The following XPR1 variants were observed in gnomAD, a reference collection of about 807,000 sequenced individuals.
XPR1 encodes the protein xenotropic and polytropic retrovirus receptor 1.
In XPR1, 28 loss-of-function variants were observed where a neutral mutation model predicts 87.5. That is an observed-to-expected ratio of 0.32 (90% CI 0.24 to 0.44). The LOEUF (loss-of-function observed/expected upper bound fraction) is 0.44. XPR1 is among the 20% of genes least tolerant of loss of function. XPR1 has a pLI of 1.00. For missense variants in XPR1, 559 were observed against 862.3 expected, an observed-to-expected ratio of 0.65 and a Z score of 4.41; for synonymous variants, 300 against 306.1, an observed-to-expected ratio of 0.98 and a Z score of 0.21.
chr1:180,767,269 C>G (rs111318496), intron 2 of XPR1, among the ~76,000 whole-genome samples: 1 of 152,134 alleles, frequency 6.6e-6, no homozygotes, highest in African/African-American at 2.4e-5. Context: ...CCCACTCACT[C>G]CCTTCAAAAT....
chr1:180,854,429 T>C (rs745375548), intron 11 of XPR1, among the ~76,000 whole-genome samples: 2 of 152,236 alleles, frequency 1.3e-5, no homozygotes, highest in Non-Finnish European at 2.9e-5. Context: ...ATATGTCCCA[T>C]GTTCACTTCG....
chr1:180,748,528 C>T (rs1360059689), intron 2 of XPR1, among the ~76,000 whole-genome samples: 2 of 145,156 alleles, frequency 1.4e-5, no homozygotes, highest in South Asian at 2.3e-4. Context: ...AAGCAATTCT[C>T]CTGCCTCAGC....
At chr1:180,744,646 A>ATTTTTTTTTTT (rs1295757177) in intron 2 of XPR1, among the ~76,000 whole-genome samples, 22 of 48,196 alleles carry the variant, frequency 4.6e-4, no homozygotes, top group African/African-American at 1.7e-3. Context: ...TTTAGGCACA[A>ATTTTTTTTTTT]TTTCTTTCTT....
chr1:180,659,414 TC>T (rs1655681524), intron 1 of XPR1, among the ~76,000 whole-genome samples: 2 of 122,690 alleles, frequency 1.6e-5, no homozygotes, highest in African/African-American at 3.4e-5. Context: ...CTTCCTTCCT[TC>T]CTTCCTTCCT....
intron 2 of XPR1, among the ~76,000 whole-genome samples, chr1:180,699,219 T>TA (rs1216141714): frequency 1.3e-5 from 2 of 148,512 alleles, no homozygotes; most frequent in African/African-American, 2.4e-5. Context: ...CTTTTTTTTT[T>TA]TTTTTTTATT....
chr1:180,819,423 G>A (rs988226399), intron 7 of XPR1, among the ~76,000 whole-genome samples: 3 of 152,076 alleles, frequency 2.0e-5, no homozygotes, highest in African/African-American at 7.2e-5. Context: ...TGGAGTTCAA[G>A]GATATTTTAT....
intron 1 of XPR1, among the ~76,000 whole-genome samples, chr1:180,645,013 A>G (rs571226107): frequency 6.6e-6 from 1 of 152,188 alleles, no homozygotes; most frequent in Admixed American, 6.5e-5. Flanking sequence ...CTGCTTCACA[A>G]AGATAGGAAG....
chr1:180,687,779 G>A (rs1656836448), intron 2 of XPR1, among the ~76,000 whole-genome samples: 1 of 151,666 alleles, frequency 6.6e-6, no homozygotes, highest in African/African-American at 2.4e-5. Flanking sequence ...ACTAGGAAGT[G>A]CTAATATTCT....
At position 180,656,511 on chromosome 1, in the gene XPR1, T is replaced by TATATA. The variant is rs1374904852; in HGVS notation, c.69+24242_69+24246dup. Among the ~76,000 whole-genome samples, 11 of 83,344 alleles carry TATATA rather than the reference T, an allele frequency of 1.3e-4. 2 individuals are homozygous for TATATA. Among genetic ancestry groups the TATATA allele is most frequent in the Non-Finnish European group, 2.2e-4 (10 of 46,366 alleles). 54.7% of individuals were successfully genotyped at this position (83,344 alleles called of 152,430 possible). On this transcript the variant is annotated intron_variant, in intron 1 of 14. Coordinates refer to ENST00000367590, the MANE Select transcript of XPR1 (RefSeq NM_004736.4). ...ATATTTATATATTATATATAATATT[T>TATATA]ATATATAATATTTATATATTATATA...
At chr1:180,713,364 T>G (rs1351737828) in intron 2 of XPR1, among the ~76,000 whole-genome samples, 1 of 152,194 alleles carries the variant, frequency 6.6e-6, no homozygotes, top group African/African-American at 2.4e-5. Context: ...TAAACTCACT[T>G]TTTAGTTACA....
chr1:180,647,137 T>A (rs1056634264), intron 1 of XPR1, among the ~76,000 whole-genome samples: 1 of 152,216 alleles, frequency 6.6e-6, no homozygotes, highest in Non-Finnish European at 1.5e-5. Context: ...CAGTTCACAA[T>A]AGGGTTCACC....
chr1:180,821,581 A>G (rs1558024851), intron 7 of XPR1, among the ~76,000 whole-genome samples: 1 of 152,204 alleles, frequency 6.6e-6, no homozygotes, highest in Non-Finnish European at 1.5e-5. Context: ...CAGTTCTGAA[A>G]AAAAGCCATT....
Position 180,781,209 on chromosome 1 carries a change from A to G in XPR1, c.122-6544A>G, listed in dbSNP as rs1169844574. 3.9e-5 allele frequency among the ~76,000 whole-genome samples: 6 copies of G among 151,952 alleles called. No homozygotes were observed. The South Asian group carries it at 1.2e-3, about 32-fold the overall frequency. On this transcript the variant is annotated intron_variant, in intron 2 of 14. Transcript: ENST00000367590. ...TAAAGTATCATATTTTTCACAAAATATGAACATTGTTTCAACATTTACAAT... is the reference window on the plus strand; with the variant it reads ...TAAAGTATCATATTTTTCACAAAATGTGAACATTGTTTCAACATTTACAAT...
At chr1:180,751,296 C>T (rs1333000004) in intron 2 of XPR1, among the ~76,000 whole-genome samples, 1 of 151,900 alleles carries the variant, frequency 6.6e-6, no homozygotes, top group Admixed American at 6.6e-5. Context: ...TATCTTTTGT[C>T]TAATCATTAA....
chr1:180,718,027 T>C (rs1177399965), intron 2 of XPR1, among the ~76,000 whole-genome samples: 1 of 152,170 alleles, frequency 6.6e-6, no homozygotes, highest in South Asian at 2.1e-4. Flanking sequence ...AATCTAAGGG[T>C]TTAGCTGTTT....
intron 1 of XPR1, among the ~76,000 whole-genome samples, chr1:180,657,474 G>A (rs978092229): frequency 1.3e-5 from 2 of 152,138 alleles, no homozygotes; most frequent in Non-Finnish European, 2.9e-5. Context: ...TGTATATGGT[G>A]AGAGATGGGG....
At chr1:180,745,500 T>C (rs761135268) in intron 2 of XPR1, among the ~76,000 whole-genome samples, 19 of 152,198 alleles carry the variant, frequency 1.2e-4, no homozygotes, top group Non-Finnish European at 2.6e-4. Flanking sequence ...TGTTTTAGGC[T>C]CTTCCAGGCC....
intron 1 of XPR1, among the ~76,000 whole-genome samples, chr1:180,678,659 GAACAAA>G (rs771921147): frequency 6.6e-6 from 1 of 152,046 alleles, no homozygotes; most frequent in Non-Finnish European, 1.5e-5. Context: ...TGGTTAAAAT[GAACAAA>G]AATACATCAA....
At chr1:180,728,301 G>GA (rs914088345) in intron 2 of XPR1, among the ~76,000 whole-genome samples, 13 of 146,666 alleles carry the variant, frequency 8.9e-5, no homozygotes, top group South Asian at 6.9e-4. Flanking sequence ...TATAACTGGG[G>GA]GGGGGGGTAG....
Sources: allele counts gnomAD v4.1 joint callset (sites outside exome capture counted in the v4.1 genomes callset), GRCh38; gene constraint gnomAD v4.1.1; transcripts MANE v1.5; gene names NCBI Gene and HGNC (gene_info 2026-07-23, HGNC 2026-07-21).